Variants in KIAA1755 observed in about 807,000 individuals in gnomAD.
KIAA1755 encodes uncharacterized protein KIAA1755.
Under a neutral mutation model 91.7 loss-of-function variants are expected in KIAA1755, and 68 were observed. The observed-to-expected ratio is 0.74, with a 90% CI of 0.61 to 0.91. The LOEUF is 0.91. KIAA1755 is among the 40% of genes least tolerant of loss of function. KIAA1755 has a pLI of 0.00. For missense variants in KIAA1755, 1,535 were observed against 1,494.4 expected (o/e 1.03, Z -0.45); for synonymous variants, 610 against 604.6 (o/e 1.01, Z -0.13).
intron 1 of KIAA1755, among the ~76,000 whole-genome samples, chr20:38,257,992 G>A (rs574080934): frequency 6.0e-5 from 9 of 150,984 alleles, no homozygotes; most frequent in Admixed American, 1.3e-4. Context: ...CTCCGCCTCC[G>A]GGGTTCAAGT....
chr20:38,256,774 T>C (rs946585752), intron 1 of KIAA1755, among the ~76,000 whole-genome samples: 3 of 152,104 alleles, frequency 2.0e-5, no homozygotes, highest in Non-Finnish European at 4.4e-5. Flanking sequence ...CTGTACTCCA[T>C]CCAGCCCAGG....
At chr20:38,213,966 T>TC (rs1258974622) in intron 13 of KIAA1755, among the ~76,000 whole-genome samples, 4 of 151,582 alleles carry the variant, frequency 2.6e-5, no homozygotes, top group Non-Finnish European at 4.4e-5. Context: ...TTTTTTTTTT[T>TC]TTTGAGATGG....
intron 1 of KIAA1755, 162 bp downstream of exon 1, chr20:38,260,336 C>A (rs549697494): frequency 1.3e-6 from 2 of 1,564,234 alleles, no homozygotes; most frequent in Admixed American, 1.9e-5. Context: ...TGCCCTTGAA[C>A]CCCTGCTGGG....
At position 38,231,243 on chromosome 20, in the gene KIAA1755, T is replaced by C. The variant is rs745834166; in HGVS notation, c.1830A>G (p.Ser610=). 6.2e-7 allele frequency: 1 copy of C among 1,613,660 alleles called. No homozygotes were observed. The highest frequency in any genetic ancestry group is 1.1e-5 in the South Asian group (1 of 90,940). ...GAWEAPWCTV[S]EVTKLLSYLC... ...GGTAGGACAGTAGCTTGGTGACCTC[T>C]GAAACTGTGCACCATGGTGCCTCCC... The change falls in exon 5 of 14, where the codon TCA becomes TCG. Residue 610 remains serine (S), a synonymous_variant. Transcript: ENST00000279024.
chr20:38,253,160 AG>A (rs1237273252), intron 1 of KIAA1755, among the ~76,000 whole-genome samples: 1 of 152,214 alleles, frequency 6.6e-6, no homozygotes, highest in African/African-American at 2.4e-5. Flanking sequence ...CCTCCCCTGC[AG>A]CCCAAGGTCA....
At position 38,241,087 on chromosome 20, in the gene KIAA1755, A is replaced by G. The variant is rs771033575; in HGVS notation, c.1044T>C (p.Tyr348=). 5 of 1,614,160 alleles carry G rather than the reference A, an allele frequency of 3.1e-6. No homozygotes were observed. In the Admixed American group the frequency reaches 8.3e-5, roughly 27 times the overall value. ...TKPESSEERP[Y]NLGFRRKVNL... Reference sequence around the variant, plus strand: ...TGACCTTTCTCCTGAAGCCCAAATTATAGGGCCTCTCCTCAGAGCTTTCTG... The same window carrying G: ...TGACCTTTCTCCTGAAGCCCAAATTGTAGGGCCTCTCCTCAGAGCTTTCTG... Residue 348 remains tyrosine (Y), a synonymous_variant, in exon 3 of 14, where the codon TAT becomes TAC. Transcript: ENST00000279024.
chr20:38,219,917 C>A, intron 10 of KIAA1755, 149 bp from the exon 11 acceptor site: 1 of 964,012 alleles, frequency 1.0e-6, no homozygotes, highest in Non-Finnish European at 1.5e-6. Context: ...GGCCCTTCAC[C>A]AAGGGCCTCA....
At chr20:38,235,321 G>A (rs1395183701) in intron 4 of KIAA1755, among the ~76,000 whole-genome samples, 4 of 151,974 alleles carry the variant, frequency 2.6e-5, no homozygotes, top group African/African-American at 4.8e-5. Context: ...CTAAGGCTTC[G>A]TGCCTGTGGC....
intron 1 of KIAA1755, among the ~76,000 whole-genome samples, chr20:38,252,474 C>T (rs970551887): frequency 6.6e-5 from 10 of 152,118 alleles, no homozygotes; most frequent in Non-Finnish European, 1.5e-4. Flanking sequence ...GTCAAGAAAC[C>T]GAGGCTGATC....
In KIAA1755 at chr20:38,245,994, T is replaced by C; in HGVS notation, c.136A>G (p.Ser46Gly). 6.2e-7 allele frequency: 1 copy of C among 1,614,058 alleles called. No homozygotes were observed. The highest frequency in any genetic ancestry group is 8.5e-7 in the Non-Finnish European group (1 of 1,179,996). ...GGGATCAGGAAATCCAGAAGGAAGC[T>C]CAGCCCATCCCCCTGGAAGCCAGAG... ...LDSGFQGDGLSFLLDFLIPAK... is the reference protein window; with the variant it reads ...LDSGFQGDGLGFLLDFLIPAK... The change falls in exon 2 of 14, where the codon AGC becomes GGC. Residue 46 changes from serine to glycine, a missense_variant. Physicochemically the swap from Ser to Gly is moderately conservative, Grantham distance 56. Transcript: ENST00000279024.
At chr20:38,244,282 A>C (rs1218380129) in intron 2 of KIAA1755, among the ~76,000 whole-genome samples, 1 of 152,172 alleles carries the variant, frequency 6.6e-6, no homozygotes, top group Non-Finnish European at 1.5e-5. Flanking sequence ...GTGGCTGCAA[A>C]TGCTTCCATG....
At position 38,231,266 on chromosome 20, in the gene KIAA1755, C is replaced by T. The variant is rs1390923296; in HGVS notation, c.1807G>A (p.Glu603Lys). The T allele has an allele frequency of 5.0e-6, 8 of 1,612,742 alleles. No individual in the cohort carries two copies. The East Asian group carries it at 1.1e-4, about 22-fold the overall frequency. ...LLVSTTEGAWEAPWCTVSEVT... is the reference protein window; with the variant it reads ...LLVSTTEGAWKAPWCTVSEVT... ...TCTGAAACTGTGCACCATGGTGCCT[C>T]CCAGGCCCCCTCTGTAGTTGACACC... Residue 603 changes from glutamate to lysine, a missense_variant, in exon 5 of 14, where the codon GAG becomes AAG. By Grantham distance (56) the Glu-to-Lys change is moderately conservative. Transcript: ENST00000279024.
At chr20:38,224,553 C>T (rs2075721381) in intron 8 of KIAA1755, among the ~76,000 whole-genome samples, 1 of 152,170 alleles carries the variant, frequency 6.6e-6, no homozygotes, top group Non-Finnish European at 1.5e-5. Flanking sequence ...CCCCCGGGGA[C>T]ATTCAGCAAT....
intron 5 of KIAA1755, among the ~76,000 whole-genome samples, 182 bp downstream of exon 5, chr20:38,231,020 A>AC (rs1568748814): frequency 6.6e-6 from 1 of 151,782 alleles, no homozygotes; most frequent in Non-Finnish European, 1.5e-5. Context: ...CAGCCTGACA[A>AC]CCCCCCGATG....
At chr20:38,258,658 C>T (rs1417804337) in intron 1 of KIAA1755, among the ~76,000 whole-genome samples, 2 of 152,052 alleles carry the variant, frequency 1.3e-5, no homozygotes, top group African/African-American at 4.8e-5. Context: ...TGAAGGTATT[C>T]CTCCAAGCAG....
At chr20:38,256,716 T>C (rs1024335844) in intron 1 of KIAA1755, among the ~76,000 whole-genome samples, 2 of 152,120 alleles carry the variant, frequency 1.3e-5, no homozygotes, top group African/African-American at 4.8e-5. Flanking sequence ...GGTGGGAGGA[T>C]TGCTTGAGCC....
intron 4 of KIAA1755, chr20:38,236,657 T>C (rs2123199777): frequency 6.6e-6 from 1 of 151,948 alleles, no homozygotes; most frequent in South Asian, 2.1e-4. Flanking sequence ...GGGCCTAGGG[T>C]GATGAGGACT....
rs116560715 is a variant in KIAA1755, at chr20:38,248,997, C to A, written c.4-2871G>T. 6.6e-3 allele frequency among the ~76,000 whole-genome samples: 999 copies of A among 152,212 alleles called. 14 individuals are homozygous for A. The highest frequency in any genetic ancestry group is 0.023 in the African/African-American group (958 of 41,516). ...TCCAGCAATCCTTCCACCTCAGCCT[C>A]CCGAGTAGCTGTGGACCACAGGCAC... is the stretch of plus-strand genomic sequence containing the variant. On this transcript the variant is annotated intron_variant, in intron 1 of 13. Transcript: ENST00000279024.
intron 1 of KIAA1755, among the ~76,000 whole-genome samples, chr20:38,247,322 C>T (rs1396306031): frequency 6.6e-6 from 1 of 152,210 alleles, no homozygotes; most frequent in East Asian, 1.9e-4. Flanking sequence ...CTCGCCACCC[C>T]TCTCCATGCT....
Sources: allele counts gnomAD v4.1 joint callset (sites outside exome capture counted in the v4.1 genomes callset), GRCh38; gene constraint gnomAD v4.1.1; transcripts MANE v1.5; gene names NCBI Gene and HGNC (gene_info 2026-07-23, HGNC 2026-07-21).